Variants in ADGRB3 observed in about 807,000 individuals in gnomAD.
ADGRB3 encodes the protein adhesion G protein-coupled receptor B3, also known as brain-specific angiogenesis inhibitor 3.
Under a neutral mutation model 193.4 loss-of-function variants are expected in ADGRB3, and 37 were observed. The observed-to-expected ratio is 0.19, with a 90% CI of 0.15 to 0.25. ADGRB3 has a LOEUF of 0.25. ADGRB3 is among the 10% of genes least tolerant of loss of function. The pLI is 1.00. For missense variants in ADGRB3, 1,637 were observed against 1,852.9 expected, an observed-to-expected ratio of 0.88 and a Z score of 2.14; for synonymous variants, 690 against 644.2, an observed-to-expected ratio of 1.07 and a Z score of -1.08.
intron 17 of ADGRB3, among the ~76,000 whole-genome samples, chr6:69,185,619 C>CT (rs1433829577): frequency 6.6e-6 from 1 of 152,078 alleles, no homozygotes; most frequent in East Asian, 1.9e-4. Context: ...CTTATCACTT[C>CT]TTTTTTAAGG....
At chr6:68,772,932 T>TATATAC (rs1383379769) in intron 3 of ADGRB3, among the ~76,000 whole-genome samples, 4 of 47,860 alleles carry the variant, frequency 8.4e-5, no homozygotes, top group Admixed American at 2.7e-4. Context: ...TATATATATA[T>TATATAC]ACATACACAC....
chr6:69,179,912 A>G (rs909189485), intron 17 of ADGRB3, among the ~76,000 whole-genome samples: 2 of 152,152 alleles, frequency 1.3e-5, no homozygotes. Context: ...GCCTAGGGCA[A>G]TGGGCTGATT....
At chr6:68,636,285 T>C (rs941041836) in intron 1 of ADGRB3, among the ~76,000 whole-genome samples, 1 of 151,900 alleles carries the variant, frequency 6.6e-6, no homozygotes, top group African/African-American at 2.4e-5. Flanking sequence ...GGGAAAATTT[T>C]AGGTTAAAAG....
intron 3 of ADGRB3, among the ~76,000 whole-genome samples, chr6:68,785,547 A>AGTCT (rs1310195716): frequency 6.6e-6 from 1 of 151,000 alleles, no homozygotes; most frequent in Non-Finnish European, 1.5e-5. Flanking sequence ...TTGTTAATCC[A>AGTCT]GTCTATCGTT....
chr6:68,843,772 A>C (rs1768216452), intron 3 of ADGRB3, among the ~76,000 whole-genome samples: 1 of 152,170 alleles, frequency 6.6e-6, no homozygotes, highest in South Asian at 2.1e-4. Flanking sequence ...ACTTCAAATT[A>C]AACTACAGAG....
At chr6:69,351,367 C>A (rs1408579524) in intron 26 of ADGRB3, among the ~76,000 whole-genome samples, 4 of 152,058 alleles carry the variant, frequency 2.6e-5, no homozygotes, top group Non-Finnish European at 2.9e-5. Flanking sequence ...GCTGGAATTG[C>A]AGGCATGAGC....
intron 3 of ADGRB3, among the ~76,000 whole-genome samples, chr6:68,925,828 G>A (rs1222416134): frequency 6.6e-6 from 1 of 151,944 alleles, no homozygotes; most frequent in African/African-American, 2.4e-5. Context: ...TAGAATATCA[G>A]AAGCCATTTC....
chr6:68,904,004 A>AT (rs1434489937), intron 3 of ADGRB3, among the ~76,000 whole-genome samples: 1 of 146,562 alleles, frequency 6.8e-6, no homozygotes. Flanking sequence ...AAAAAAAAAA[A>AT]AAAGGGGAGA....
intron 20 of ADGRB3, among the ~76,000 whole-genome samples, chr6:69,301,730 T>C (rs952761641): frequency 3.9e-5 from 6 of 151,920 alleles, no homozygotes; most frequent in African/African-American, 9.7e-5. Context: ...GTAATGACCA[T>C]TGTAGAAAAA....
intron 3 of ADGRB3, among the ~76,000 whole-genome samples, chr6:68,799,478 C>T (rs1324384677): frequency 6.6e-6 from 1 of 151,950 alleles, no homozygotes. Context: ...ACTGTGTATA[C>T]AAAACATAAA....
intron 8 of ADGRB3, among the ~76,000 whole-genome samples, chr6:68,967,188 G>T (rs780007968): frequency 6.6e-6 from 1 of 152,108 alleles, no homozygotes; most frequent in African/African-American, 2.4e-5. Context: ...TGAATCCAAG[G>T]CTTCATAAAT....
intron 3 of ADGRB3, among the ~76,000 whole-genome samples, chr6:68,830,809 T>C (rs1228147048): frequency 6.6e-6 from 1 of 151,944 alleles, no homozygotes; most frequent in East Asian, 1.9e-4. Flanking sequence ...CTCTGGAGCA[T>C]GGGTCAGGGA....
intron 3 of ADGRB3, among the ~76,000 whole-genome samples, chr6:68,897,534 AAGAG>A (rs1192162204): frequency 1.9e-5 from 2 of 106,538 alleles, no homozygotes; most frequent in African/African-American, 7.5e-5. Flanking sequence ...GGAAAGAGGA[AAGAG>A]GGAAGGAAGG....
At chr6:68,989,904 T>A (rs1281806792) in intron 10 of ADGRB3, among the ~76,000 whole-genome samples, 3 of 152,082 alleles carry the variant, frequency 2.0e-5, no homozygotes, top group Non-Finnish European at 4.4e-5. Context: ...GAAGTAGCAA[T>A]AAGAGAAGTT....
At chr6:68,768,055 G>A (rs560324111) in intron 3 of ADGRB3, among the ~76,000 whole-genome samples, 4 of 152,098 alleles carry the variant, frequency 2.6e-5, no homozygotes, top group Admixed American at 1.3e-4. Context: ...CAAACAAATG[G>A]AAAAAACATT....
At chr6:69,049,882 C>T (rs1339593814) in intron 15 of ADGRB3, among the ~76,000 whole-genome samples, 1 of 152,016 alleles carries the variant, frequency 6.6e-6, no homozygotes, top group Non-Finnish European at 1.5e-5. Context: ...AATTTCTTTC[C>T]TCCCAGATAT....
intron 3 of ADGRB3, among the ~76,000 whole-genome samples, chr6:68,864,031 C>A (rs973610254): frequency 6.6e-6 from 1 of 152,048 alleles, no homozygotes; most frequent in South Asian, 2.1e-4. Context: ...ATTTATACCC[C>A]TATCAATTCT....
rs1018844013 is a variant in ADGRB3, at chr6:68,977,387, T to C, written c.1734+2047T>C. ...GTTCAGTCGTGGTGATGAATGGGAATAATTACAGGGATTAAGTAAATAACA... is the reference window on the plus strand; with the variant it reads ...GTTCAGTCGTGGTGATGAATGGGAACAATTACAGGGATTAAGTAAATAACA... On this transcript the variant is annotated intron_variant, in intron 10 of 31. Coordinates refer to ENST00000370598, the MANE Select transcript of ADGRB3 (RefSeq NM_001704.3). Among the ~76,000 whole-genome samples the C allele has an allele frequency of 2.0e-5, 3 of 152,228 alleles. No individual in the cohort carries two copies. In the East Asian group the frequency reaches 5.8e-4, roughly 29 times the overall value.
intron 28 of ADGRB3, among the ~76,000 whole-genome samples, chr6:69,358,071 T>C (rs538102349): frequency 6.6e-6 from 1 of 151,952 alleles, no homozygotes; most frequent in African/African-American, 2.4e-5. Context: ...TGTTGTTTTT[T>C]TCAGCCTCAT....
Sources: gnomAD v4.1 joint callset for allele counts (sites outside exome capture counted in the v4.1 genomes callset) on GRCh38, gnomAD v4.1.1 for gene constraint, MANE v1.5 for transcripts, NCBI Gene and HGNC (gene_info 2026-07-23, HGNC 2026-07-21) for gene names.